The following CLYBL variants were observed in gnomAD, a reference collection of about 807,000 sequenced individuals.
CLYBL encodes citramalyl-CoA lyase, also known as citramalyl-CoA lyase, mitochondrial.
In CLYBL, 31 loss-of-function variants were observed where a neutral mutation model predicts 38.9. The observed-to-expected ratio is 0.80, with a 90% CI of 0.60 to 1.08. CLYBL has a LOEUF of 1.08. Ranked by LOEUF, CLYBL falls within the 50% of genes least tolerant of loss-of-function variation. The pLI, the probability that CLYBL is intolerant of heterozygous loss-of-function variation, is 0.00. For missense variants in CLYBL, 434 were observed against 411.6 expected (o/e 1.05, Z -0.47); for synonymous variants, 171 against 158.6 (o/e 1.08, Z -0.59).
chr13:99,696,116 T>C (rs1327060229), intron 1 of CLYBL, among the ~76,000 whole-genome samples: 3 of 152,164 alleles, frequency 2.0e-5, no homozygotes, highest in African/African-American at 7.2e-5. Context: ...CCATGTAGAA[T>C]AGCAAGCTCT....
At chr13:99,679,330 A>G (rs2047700073) in intron 1 of CLYBL, among the ~76,000 whole-genome samples, 1 of 152,056 alleles carries the variant, frequency 6.6e-6, no homozygotes, top group African/African-American at 2.4e-5. Flanking sequence ...GAAAAATAGT[A>G]TAAGCTAATT....
intron 2 of CLYBL, among the ~76,000 whole-genome samples, chr13:99,781,621 G>A (rs2049656430): frequency 1.3e-5 from 2 of 152,086 alleles, no homozygotes; most frequent in South Asian, 4.1e-4. Flanking sequence ...GATTACAAGT[G>A]CCTGCCACCA....
At chr13:99,758,679 C>T (rs978039831) in intron 1 of CLYBL, among the ~76,000 whole-genome samples, 3 of 152,208 alleles carry the variant, frequency 2.0e-5, no homozygotes, top group South Asian at 2.1e-4. Flanking sequence ...GCTTCTGCCA[C>T]CTGCCCAGTG....
intron 2 of CLYBL, among the ~76,000 whole-genome samples, chr13:99,825,901 G>T (rs940089895): frequency 6.6e-6 from 1 of 152,124 alleles, no homozygotes; most frequent in Non-Finnish European, 1.5e-5. Flanking sequence ...TCCCCTCTCT[G>T]CCCACCATCC....
At chr13:99,773,071 T>C in intron 2 of CLYBL, 61 bp downstream of exon 2, 4 of 1,400,454 alleles carry the variant, frequency 2.9e-6, no homozygotes, top group Non-Finnish European at 4.0e-6. Flanking sequence ...CTCTTCCGAA[T>C]AGTGACATTG....
rs544018889 is a variant in CLYBL at position 99,722,928 on chromosome 13, A to T, written c.63-49896A>T. 1.8e-4 allele frequency among the ~76,000 whole-genome samples: 28 copies of T among 152,368 alleles called. No individual in the cohort carries two copies. The Middle Eastern group carries it at 0.01, about 56-fold the overall frequency. ...CCCCCTTTCTCCCCTGTTTTAAGAA[A>T]AGTGTGCCTTTGATGAGATATAGCC... On this transcript the variant is annotated intron_variant, in intron 1 of 8. Coordinates refer to ENST00000339105, the MANE Select transcript of CLYBL (RefSeq NM_206808.5).
At chr13:99,899,862 C>T (rs942889791), downstream of CLYBL, among the ~76,000 whole-genome samples, 3 of 152,240 alleles carry the variant, frequency 2.0e-5, no homozygotes, top group South Asian at 4.2e-4. Flanking sequence ...AATCCCACTG[C>T]GCAGAGCTGG....
intron 7 of CLYBL, among the ~76,000 whole-genome samples, chr13:99,887,958 C>A (rs2052392360): frequency 6.6e-6 from 1 of 151,976 alleles, no homozygotes; most frequent in South Asian, 2.1e-4. Flanking sequence ...CAAGTTCAAG[C>A]AATTCTCGTG....
chr13:99,768,993 A>G (rs1405596486), intron 1 of CLYBL, among the ~76,000 whole-genome samples: 1 of 152,202 alleles, frequency 6.6e-6, no homozygotes, highest in East Asian at 1.9e-4. Context: ...CTTCAGCCCA[A>G]GGGAGAGGGG....
In CLYBL at chr13:99,683,231, C is replaced by G. The variant is rs1290787814; in HGVS notation, c.62+76474C>G. Among the ~76,000 whole-genome samples, 3 of 150,370 alleles carry G rather than the reference C, an allele frequency of 2.0e-5. No homozygotes were observed. In the East Asian group the frequency reaches 5.9e-4, roughly 29 times the overall value. ...CAAGTGGCTGGGCTTGCAGGTGCCC[C>G]CCCCTACACCAGGCTAATTTTTGTG... On this transcript the variant is annotated intron_variant, in intron 1 of 8. Coordinates refer to ENST00000339105, the MANE Select transcript of CLYBL (RefSeq NM_206808.5).
At chr13:99,875,273 T>A (rs1178734738) in intron 7 of CLYBL, among the ~76,000 whole-genome samples, 3 of 152,318 alleles carry the variant, frequency 2.0e-5, no homozygotes, top group Non-Finnish European at 4.4e-5. Context: ...TGCAAGCTGA[T>A]AAGTTCACAT....
chr13:99,615,424 A>C (rs1359327354), intron 1 of CLYBL, among the ~76,000 whole-genome samples: 1 of 152,184 alleles, frequency 6.6e-6, no homozygotes, highest in Non-Finnish European at 1.5e-5. Flanking sequence ...CGTTTAATTA[A>C]ATTTTTTAAC....
intron 1 of CLYBL, among the ~76,000 whole-genome samples, chr13:99,646,117 AT>A (rs772389592): frequency 6.6e-6 from 1 of 152,034 alleles, no homozygotes; most frequent in Admixed American, 6.6e-5. Flanking sequence ...CATTTGTGAC[AT>A]TTTTTCCATG....
At position 99,869,545 on chromosome 13, in the gene CLYBL, C is replaced by T. The variant is rs911352663; in HGVS notation, c.803-1393C>T. Reference sequence around the variant, plus strand: ...AATCTTTACTTATATAAGTGTTTAACATTTTATTAGTATGCTGACAGAAAA... The same window carrying T: ...AATCTTTACTTATATAAGTGTTTAATATTTTATTAGTATGCTGACAGAAAA... On this transcript the variant is annotated intron_variant, in intron 6 of 8. Coordinates refer to ENST00000339105, the MANE Select transcript of CLYBL (RefSeq NM_206808.5). The surrounding 1 kb of genome is among the most constrained non-coding windows in gnomAD (Gnocchi z 4.3). 6.6e-6 allele frequency among the ~76,000 whole-genome samples: 1 copy of T among 152,092 alleles called. No homozygotes were observed. Among genetic ancestry groups the T allele is most frequent in the African/African-American group, 2.4e-5 (1 of 41,442 alleles).
chr13:99,809,266 G>C (rs1346733229), intron 2 of CLYBL, among the ~76,000 whole-genome samples: 1 of 150,996 alleles, frequency 6.6e-6, no homozygotes, highest in Non-Finnish European at 1.5e-5. Flanking sequence ...GTATTCAAGA[G>C]TATCTACACA....
chr13:99,664,782 A>G (rs2047456760), intron 1 of CLYBL, among the ~76,000 whole-genome samples: 3 of 152,218 alleles, frequency 2.0e-5, no homozygotes, highest in Non-Finnish European at 4.4e-5. Flanking sequence ...CATGATCTCT[A>G]TAAAATATGA....
At chr13:99,688,056 T>C (rs898288479) in intron 1 of CLYBL, among the ~76,000 whole-genome samples, 1 of 152,210 alleles carries the variant, frequency 6.6e-6, no homozygotes, top group Non-Finnish European at 1.5e-5. Context: ...TTAAAGACAG[T>C]CAATCTGTTT....
At chr13:99,835,413 A>G (rs1263819424) in intron 2 of CLYBL, among the ~76,000 whole-genome samples, 5 of 152,134 alleles carry the variant, frequency 3.3e-5, no homozygotes, top group East Asian at 1.9e-4. Flanking sequence ...GGCTCACCCT[A>G]CCATGTTTGA....
At chr13:99,616,143 CTTT>C (rs34142988) in intron 1 of CLYBL, among the ~76,000 whole-genome samples, 117 of 83,806 alleles carry the variant, frequency 1.4e-3, no homozygotes, top group African/African-American at 3.5e-3. Context: ...CCACGCCTGG[CTTT>C]TTTTTTTTTT....
Sources: allele counts gnomAD v4.1 joint callset (sites outside exome capture counted in the v4.1 genomes callset), GRCh38; gene constraint gnomAD v4.1.1; non-coding constraint Gnocchi (gnomAD v3.1); transcripts MANE v1.5; gene names NCBI Gene and HGNC (gene_info 2026-07-23, HGNC 2026-07-21).